The following MAPK8 variants were observed in gnomAD, a reference collection of about 807,000 sequenced individuals.
MAPK8 encodes JUN N-terminal kinase.
MAPK8 carries 13 observed loss-of-function variants against 52.9 expected under a neutral mutation model. The ratio of observed to expected loss-of-function variants is 0.25; its 90% CI spans 0.16 to 0.39. MAPK8 has a LOEUF of 0.39. Ranked by LOEUF, MAPK8 falls within the 10% of genes least tolerant of loss-of-function variation. The probability of loss-of-function intolerance (pLI) is 1.00; values close to 1 mark genes in which losing one functional copy is unlikely to be tolerated. For missense variants in MAPK8, 300 were observed against 519.2 expected (o/e 0.58, Z 4.10); for synonymous variants, 191 against 169.8 (o/e 1.12, Z -0.97).
chr10:48,329,434 G>C (rs1258868272), intron 1 of MAPK8, among the ~76,000 whole-genome samples: 1 of 151,928 alleles, frequency 6.6e-6, no homozygotes, highest in Admixed American at 6.6e-5. Flanking sequence ...TGAGTTAGTT[G>C]GCCCTTTGCT....
intron 5 of MAPK8, among the ~76,000 whole-genome samples, chr10:48,418,210 G>A (rs769856152): frequency 1.6e-4 from 25 of 152,154 alleles, no homozygotes; most frequent in South Asian, 1.2e-3. Flanking sequence ...TTGTTACTAC[G>A]TAACCTAGAT....
At chr10:48,384,217 A>C (rs866238203) in intron 1 of MAPK8, among the ~76,000 whole-genome samples, 3 of 152,168 alleles carry the variant, frequency 2.0e-5, no homozygotes, top group Non-Finnish European at 2.9e-5. Flanking sequence ...ACGCTAGTGC[A>C]CTCCAGCCTG....
chr10:48,316,363 T>A (rs1457591127), intron 1 of MAPK8, among the ~76,000 whole-genome samples: 2 of 152,222 alleles, frequency 1.3e-5, no homozygotes, highest in Non-Finnish European at 2.9e-5. Flanking sequence ...AGGTATGTTG[T>A]ACTATCTAGG....
rs2044872937 is a variant in MAPK8, at chr10:48,436,632, T to C, written c.*1603T>C. On this transcript the variant is annotated 3_prime_UTR_variant, in exon 12 of 12. Transcript: ENST00000374189. Reference sequence around the variant, plus strand: ...GCAATGTCTGAAAATTTGCTTGGCATTTTATTCATATATTTAGTGCAAAAT... The same window carrying C: ...GCAATGTCTGAAAATTTGCTTGGCACTTTATTCATATATTTAGTGCAAAAT... 6.6e-6 allele frequency: 1 copy of C among 152,234 alleles called. No individual in the cohort carries two copies. Among genetic ancestry groups the C allele is most frequent in the Non-Finnish European group, 1.5e-5 (1 of 68,038 alleles). The allele number at this position is 152,234 out of a possible 1,614,324, so 9.4% of individuals were successfully genotyped here.
intron 5 of MAPK8, among the ~76,000 whole-genome samples, chr10:48,419,270 G>A (rs567040071): frequency 6.6e-6 from 1 of 152,252 alleles, no homozygotes; most frequent in South Asian, 2.1e-4. Context: ...GTATTAATCG[G>A]TGATATTTAA....
At chr10:48,412,978 C>T (rs1343648692) in intron 5 of MAPK8, among the ~76,000 whole-genome samples, 3 of 152,150 alleles carry the variant, frequency 2.0e-5, no homozygotes, top group Non-Finnish European at 4.4e-5. Context: ...CGACAGACAT[C>T]ATTCTATTTT....
At chr10:48,344,489 A>G (rs757043574) in intron 1 of MAPK8, among the ~76,000 whole-genome samples, 1 of 152,144 alleles carries the variant, frequency 6.6e-6, no homozygotes, top group Non-Finnish European at 1.5e-5. Flanking sequence ...ACATCAGTCC[A>G]CTGTATAGAA....
intron 10 of MAPK8, 108 bp from the exon 11 acceptor site, chr10:48,431,085 C>A: frequency 1.4e-6 from 1 of 697,528 alleles, no homozygotes; most frequent in Non-Finnish European, 2.6e-6. Context: ...TGTAAGGACA[C>A]TGTTTGAAGT....
intron 1 of MAPK8, chr10:48,307,287 C>T (rs1027413460): frequency 3.9e-5 from 6 of 152,384 alleles, no homozygotes; most frequent in African/African-American, 1.4e-4. Context: ...TGCCCCGCGC[C>T]CATAGGGACC....
intron 1 of MAPK8, among the ~76,000 whole-genome samples, chr10:48,380,951 C>T (rs529337265): frequency 3.3e-5 from 5 of 152,208 alleles, no homozygotes; most frequent in Non-Finnish European, 7.4e-5. Flanking sequence ...AGTAAGACTC[C>T]ATCAAAGACT....
At chr10:48,312,124 G>A (rs558903381) in intron 1 of MAPK8, among the ~76,000 whole-genome samples, 24 of 152,266 alleles carry the variant, frequency 1.6e-4, no homozygotes, top group African/African-American at 5.8e-4. Flanking sequence ...CCATGCCTTT[G>A]TACTCACTCG....
At chr10:48,316,463 T>C (rs57990560) in intron 1 of MAPK8, among the ~76,000 whole-genome samples, 16,389 of 152,232 alleles carry the variant, frequency 0.11, 1,162 homozygotes, top group Admixed American at 0.25. Context: ...TTAAGCAAGG[T>C]GTGACTATGT....
At chr10:48,311,960 A>G (rs1919709) in intron 1 of MAPK8, among the ~76,000 whole-genome samples, 126,260 of 152,222 alleles carry the variant, frequency 0.83, 52,901 homozygotes, top group African/African-American at 0.96. Context: ...GTCAGTTTCT[A>G]CCCTCAGTGA....
chr10:48,398,997 C>G (rs1452126365), intron 1 of MAPK8, among the ~76,000 whole-genome samples: 2 of 152,092 alleles, frequency 1.3e-5, no homozygotes. Context: ...TTTTTAGGTC[C>G]TTTGCATTCG....
intron 1 of MAPK8, among the ~76,000 whole-genome samples, chr10:48,358,839 T>C (rs531870759): frequency 1.3e-5 from 2 of 152,326 alleles, no homozygotes; most frequent in Admixed American, 1.3e-4. Flanking sequence ...GGCAATCTAG[T>C]TGTCTGGCAC....
chr10:48,390,866 G>A (rs1233025327), intron 1 of MAPK8, among the ~76,000 whole-genome samples: 3 of 152,192 alleles, frequency 2.0e-5, no homozygotes, highest in Non-Finnish European at 4.4e-5. Flanking sequence ...TCTGTGAAGA[G>A]CCTGTTTTGG....
intron 1 of MAPK8, among the ~76,000 whole-genome samples, chr10:48,341,349 T>G (rs2132337860): frequency 6.6e-6 from 1 of 152,312 alleles, no homozygotes; most frequent in Admixed American, 6.5e-5. Flanking sequence ...AGGTTGAACA[T>G]CCCAAATCCA....
intron 5 of MAPK8, among the ~76,000 whole-genome samples, chr10:48,415,903 T>C (rs1468165338): frequency 1.3e-5 from 2 of 152,182 alleles, no homozygotes; most frequent in Non-Finnish European, 2.9e-5. Context: ...AGTACATCTG[T>C]AGAAAATTTC....
At chr10:48,389,003 C>A (rs2041479223) in intron 1 of MAPK8, among the ~76,000 whole-genome samples, 1 of 151,972 alleles carries the variant, frequency 6.6e-6, no homozygotes, top group African/African-American at 2.4e-5. Context: ...GGGGAGAGTA[C>A]CCTAGGATGC....
Sources: allele counts gnomAD v4.1 joint callset (sites outside exome capture counted in the v4.1 genomes callset), GRCh38; gene constraint gnomAD v4.1.1; transcripts MANE v1.5; gene names NCBI Gene and HGNC (gene_info 2026-07-23, HGNC 2026-07-21).